ATP5MJ: variants seen among roughly 807,000 people sequenced by gnomAD.
ATP5MJ encodes ATP synthase F(0) complex subunit j, mitochondrial.
In ATP5MJ, 4 loss-of-function variants were observed where a neutral mutation model predicts 8.3. That is an observed-to-expected ratio of 0.48 (90% confidence interval 0.24 to 1.11). The LOEUF (loss-of-function observed/expected upper bound fraction) is 1.11. ATP5MJ is among the 50% of genes least tolerant of loss of function. The probability of loss-of-function intolerance (pLI) is 0.18; values close to 1 mark genes in which losing one functional copy is unlikely to be tolerated. For missense variants in ATP5MJ, 66 were observed against 71.8 expected (o/e 0.92, Z 0.29); for synonymous variants, 23 against 21.3 (o/e 1.08, Z -0.23).
Position 103,915,053 on chromosome 14 carries a change from T to C in ATP5MJ, c.124+13A>G, listed in dbSNP as rs1204806928. On this transcript the variant is annotated intron_variant, in intron 2 of 3. Coordinates refer to ENST00000286953, the MANE Select transcript of ATP5MJ (RefSeq NM_004894.3). ...TTCCTGACCTCAGAAAAATCAAACA[T>C]AAGGAAACGTACCAGCAGCCCGGAT... 1 of 1,613,240 alleles carries C rather than the reference T, an allele frequency of 6.2e-7. No homozygotes were observed. Among genetic ancestry groups the C allele is most frequent in the Non-Finnish European group, 8.5e-7 (1 of 1,179,890 alleles).
intron 1 of ATP5MJ, among the ~76,000 whole-genome samples, chr14:103,920,719 C>G (rs936587565): frequency 2.8e-4 from 43 of 152,262 alleles, no homozygotes; most frequent in African/African-American, 9.9e-4. Context: ...ATCCGCCCGC[C>G]TCAGCCTCCC....
In ATP5MJ at chr14:103,914,847, A is replaced by AAAAAAAG. The variant is rs1332241316; in HGVS notation, c.124+218_124+219insCTTTTTT. The AAAAAAAG allele has an allele frequency of 6.1e-5, 27 of 442,086 alleles. No homozygotes were observed. In the East Asian group the frequency reaches 9.1e-4, roughly 15 times the overall value. 27.4% of individuals were successfully genotyped at this position (442,086 alleles called of 1,614,324 possible). A position where few individuals can be genotyped will look rare whatever the true frequency, so the allele number is the denominator to read the frequency against. ...GTGAGAGACTGTCTCCAAAAAAAAA[A>AAAAAAAG]AAAAAAAAAAGAAAAGAAAAGAAAA... On this transcript the variant is annotated intron_variant, in intron 2 of 3. Transcript: ENST00000286953.
chr14:103,915,928 T>C (rs76224845), intron 1 of ATP5MJ, among the ~76,000 whole-genome samples: 3,516 of 152,298 alleles, frequency 0.023, 73 homozygotes, highest in East Asian at 0.06. Context: ...TGCCATGCCC[T>C]GAACTGCACA....
rs1181657854 is a variant in ATP5MJ at position 103,912,671 on chromosome 14, G to A, written c.172C>T (p.His58Tyr). 6.2e-7 allele frequency: 1 copy of A among 1,614,024 alleles called. No individual in the cohort carries two copies. The highest frequency in any genetic ancestry group is 8.5e-7 in the Non-Finnish European group (1 of 1,179,918). Reference sequence around the variant, plus strand: ...TGTACTCCAAGTAAATCTGGTTAGTGATGACCAGGAGCAGGCGCTGAAGCT... The same window carrying A: ...TGTACTCCAAGTAAATCTGGTTAGTAATGACCAGGAGCAGGCGCTGAAGCT... Reference protein sequence around the residue: ...LKASAPAPGHH With the variant: ...LKASAPAPGHY The change falls in exon 4 of 4, where the codon CAC becomes TAC. Residue 58 changes from histidine (H) to tyrosine (Y), a missense_variant. Physicochemically the swap from His to Tyr is moderately conservative, Grantham distance 83. Coordinates refer to ENST00000286953, the MANE Select transcript of ATP5MJ (RefSeq NM_004894.3).
chr14:103,914,499 GTTCAAAGT>G (rs775047516), intron 2 of ATP5MJ: 1 of 669,842 alleles, frequency 1.5e-6, no homozygotes, highest in South Asian at 1.6e-5. Flanking sequence ...TTAAAGTCTT[GTTCAAAGT>G]TCCCCAATTG....
chr14:103,920,733 G>A (rs1442629519), intron 1 of ATP5MJ, among the ~76,000 whole-genome samples: 1 of 152,106 alleles, frequency 6.6e-6, no homozygotes. Context: ...GCCTCCCAAA[G>A]GGCTGGGATT....
chr14:103,917,367 T>C (rs1302645312), intron 1 of ATP5MJ, among the ~76,000 whole-genome samples: 2 of 149,224 alleles, frequency 1.3e-5, no homozygotes, highest in Admixed American at 1.4e-4. Context: ...GGCTGGACTA[T>C]GGGAAGGAAG....
chr14:103,921,042 CATGT>C, intron 1 of ATP5MJ: 3 of 1,551,474 alleles, frequency 1.9e-6, no homozygotes, highest in Non-Finnish European at 2.6e-6. Flanking sequence ...CCCAAGTTGT[CATGT>C]ACAGCATAAC....
At chr14:103,914,844 A>AAAAAAAG (rs2087611084) in intron 2 of ATP5MJ, 3 of 425,178 alleles carry the variant, frequency 7.1e-6, no homozygotes, top group Non-Finnish European at 1.2e-5. Context: ...CTCCAAAAAA[A>AAAAAAAG]AAAAAAAAAA....
chr14:103,914,865 AAAG>A (rs1347715858), intron 2 of ATP5MJ, 198 bp downstream of exon 2: 56 of 531,846 alleles, frequency 1.1e-4, no homozygotes, highest in African/African-American at 9.9e-4. Flanking sequence ...AAAGAAAAGA[AAAG>A]AAAAAAAAAA....
rs1312904390 is a variant in ATP5MJ, at chr14:103,912,486, G to A, written c.*180C>T. On this transcript the variant is annotated 3_prime_UTR_variant, in exon 4 of 4. Transcript: ENST00000286953. ...CTGACACGCCGGAGGGGCTGAGGGG[G>A]AACACACTGAAAGCAGTACCAGGTA... 27 of 674,960 alleles carry A rather than the reference G, an allele frequency of 4.0e-5. No individual in the cohort carries two copies. The highest frequency in any genetic ancestry group is 5.0e-5 in the Non-Finnish European group (19 of 383,524). The allele number at this position is 674,960 out of a possible 1,614,324, so 41.8% of individuals were successfully genotyped here.
intron 2 of ATP5MJ, chr14:103,914,727 T>C: frequency 1.8e-6 from 1 of 542,062 alleles, no homozygotes; most frequent in Non-Finnish European, 3.2e-6. Context: ...CTTGGCAGGC[T>C]GAGGTGGGAG....
intron 3 of ATP5MJ, chr14:103,913,662 C>T (rs2087598702): frequency 1.0e-5 from 5 of 483,504 alleles, no homozygotes; most frequent in Non-Finnish European, 1.8e-5. Flanking sequence ...TCTAGGACAG[C>T]ATGCTTGCAC....
intron 1 of ATP5MJ, among the ~76,000 whole-genome samples, chr14:103,919,110 C>G (rs761858231): frequency 6.6e-6 from 1 of 152,106 alleles, no homozygotes; most frequent in South Asian, 2.1e-4. Flanking sequence ...GGACTGGGCA[C>G]GGTGGCTTAC....
intron 3 of ATP5MJ, 55 bp downstream of exon 3, chr14:103,913,905 GA>G (rs779998889): frequency 4.4e-6 from 7 of 1,576,976 alleles, no homozygotes; most frequent in Non-Finnish European, 6.1e-6. Flanking sequence ...ACCTTGTCCT[GA>G]AAAGACATGA....
intron 1 of ATP5MJ, among the ~76,000 whole-genome samples, chr14:103,919,070 T>C (rs1000517685): frequency 6.6e-6 from 1 of 151,740 alleles, no homozygotes; most frequent in Non-Finnish European, 1.5e-5. Context: ...TAGTGCCTAG[T>C]GCCTGGTACG....
At chr14:103,915,665 T>C (rs1401434746) in intron 1 of ATP5MJ, among the ~76,000 whole-genome samples, 2 of 151,546 alleles carry the variant, frequency 1.3e-5, no homozygotes, top group East Asian at 3.9e-4. Context: ...TTTTTTTTTT[T>C]TAAAGCAGAG....
intron 3 of ATP5MJ, chr14:103,913,013 A>G (rs1429703815): frequency 6.3e-6 from 2 of 316,604 alleles, no homozygotes; most frequent in East Asian, 5.7e-5. Context: ...ACTCTGGCAT[A>G]AATTTATAAG....
chr14:103,914,013 G>A lies in ATP5MJ; in HGVS notation c.125-29C>T, dbSNP rs760903915. On this transcript the variant is annotated intron_variant, in intron 2 of 3. Transcript: ENST00000286953. ...AAATAAAAGGAAGGAAAAAAAAGCA[G>A]TCATATCAATGCTTTACAAAAATGC... The A allele has an allele frequency of 5.6e-6, 9 of 1,594,328 alleles. No homozygotes were observed. In the Admixed American group the frequency reaches 1.6e-4, roughly 28 times the overall value.
Sources: gnomAD v4.1 joint callset for allele counts (sites outside exome capture counted in the v4.1 genomes callset) on GRCh38, gnomAD v4.1.1 for gene constraint, MANE v1.5 for transcripts, NCBI Gene and HGNC (gene_info 2026-07-23, HGNC 2026-07-21) for gene names.